The following SEZ6 variants were observed in gnomAD, a reference collection of about 807,000 sequenced individuals.
The protein encoded by SEZ6 is seizure protein 6 homolog.
Under a neutral mutation model 101.0 loss-of-function variants are expected in SEZ6, and 53 were observed. That is an observed-to-expected ratio of 0.52 (90% confidence interval 0.42 to 0.66). The LOEUF is 0.66. Among genes scored for constraint, SEZ6 ranks in the 30% least tolerant of loss-of-function variants. SEZ6 has a pLI of 0.00. For synonymous variants in SEZ6, 488 were observed against 512.2 expected, an observed-to-expected ratio of 0.95 and a Z score of 0.64; for missense variants, 1,102 against 1,289.4, an observed-to-expected ratio of 0.85 and a Z score of 2.23.
At chr17:28,992,399 G>T (rs1288322926) in intron 1 of SEZ6, among the ~76,000 whole-genome samples, 1 of 151,440 alleles carries the variant, frequency 6.6e-6, no homozygotes, top group Non-Finnish European at 1.5e-5. Flanking sequence ...CATGAGACCG[G>T]GTGTGTGTGT....
At chr17:29,002,045 T>A (rs2041621569) in intron 1 of SEZ6, among the ~76,000 whole-genome samples, 1 of 151,902 alleles carries the variant, frequency 6.6e-6, no homozygotes, top group Non-Finnish European at 1.5e-5. Flanking sequence ...CCTTCACTAA[T>A]GTAACTCCTG....
chr17:28,960,389 G>A, intron 7 of SEZ6, 116 bp downstream of exon 7: 2 of 1,375,330 alleles, frequency 1.5e-6, no homozygotes, highest in Non-Finnish European at 2.0e-6. Context: ...AGCAGGGGCT[G>A]ACTTGGAAGG....
intron 1 of SEZ6, among the ~76,000 whole-genome samples, chr17:28,991,040 G>A (rs1015145917): frequency 6.6e-6 from 1 of 151,774 alleles, no homozygotes; most frequent in African/African-American, 2.4e-5. Context: ...CAAGTAGCTG[G>A]GACTACAGGC....
rs1278636480 is a variant in SEZ6 at position 28,958,751 on chromosome 17, T to C, written c.2107+274A>G. 2.0e-5 allele frequency among the ~76,000 whole-genome samples: 3 copies of C among 149,534 alleles called. No homozygotes were observed. In the Admixed American group the frequency reaches 2.0e-4, roughly 10 times the overall value. ...GTTGCAATGAACAGAGATCACACCA[T>C]GGTCTGGGTGACAGAGGGAAACTGT... On this transcript the variant is annotated intron_variant, in intron 10 of 16. Coordinates refer to ENST00000317338, the MANE Select transcript of SEZ6 (RefSeq NM_178860.5).
At chr17:28,976,606 G>A (rs971531908) in intron 3 of SEZ6, among the ~76,000 whole-genome samples, 6 of 152,262 alleles carry the variant, frequency 3.9e-5, no homozygotes, top group South Asian at 2.1e-4. Context: ...AGGCCTTCCA[G>A]CTGCCCACCC....
intron 1 of SEZ6, among the ~76,000 whole-genome samples, chr17:28,996,964 C>T (rs942299425): frequency 1.3e-5 from 2 of 152,160 alleles, no homozygotes; most frequent in African/African-American, 2.4e-5. Flanking sequence ...GACCAAGGGT[C>T]ACCGGAGGCA....
chr17:28,958,131 G>GC lies in SEZ6; in HGVS notation c.2117dup (p.Asn707GlnfsTer2), dbSNP rs772610528. On this transcript the variant is annotated frameshift_variant, in exon 11 of 17. Coordinates refer to ENST00000317338, the MANE Select transcript of SEZ6 (RefSeq NM_178860.5). LOFTEE classifies it high-confidence loss of function. ...CAGGCAGCTCCGGACATGTGTCATTGCGGGGCACCTCTGGGGGCACAGAGG... is the reference window on the plus strand; with the variant it reads ...CAGGCAGCTCCGGACATGTGTCATTGCCGGGGCACCTCTGGGGGCACAGAGG... The GC allele has an allele frequency of 6.3e-7, 1 of 1,593,802 alleles. No homozygotes were observed. The highest frequency in any genetic ancestry group is 1.1e-5 in the South Asian group (1 of 90,462).
intron 1 of SEZ6, among the ~76,000 whole-genome samples, chr17:28,994,710 G>T: frequency 6.6e-6 from 1 of 151,468 alleles, no homozygotes; most frequent in East Asian, 2.0e-4. Context: ...CGTCCGGCCC[G>T]GTTACTGACT....
intron 5 of SEZ6, among the ~76,000 whole-genome samples, chr17:28,961,543 C>T (rs1031632199): frequency 6.6e-6 from 1 of 152,168 alleles, no homozygotes; most frequent in East Asian, 1.9e-4. Flanking sequence ...TAGATCCGGG[C>T]GGCAAACACC....
chr17:28,980,512 G>A (rs2041285133), intron 2 of SEZ6, among the ~76,000 whole-genome samples: 1 of 151,836 alleles, frequency 6.6e-6, no homozygotes, highest in Admixed American at 6.6e-5. Flanking sequence ...TGGGACTACG[G>A]GCACCCCCCA....
At chr17:28,977,923 C>T (rs1231678785) in intron 3 of SEZ6, among the ~76,000 whole-genome samples, 2 of 152,164 alleles carry the variant, frequency 1.3e-5, no homozygotes, top group Admixed American at 1.3e-4. Flanking sequence ...TTCCTAATTA[C>T]CCTCCCAGTC....
At chr17:28,976,106 A>G (rs978819352) in intron 3 of SEZ6, among the ~76,000 whole-genome samples, 3 of 152,204 alleles carry the variant, frequency 2.0e-5, no homozygotes, top group Non-Finnish European at 2.9e-5. Flanking sequence ...GCCTCCTTGG[A>G]TCACAGAGGG....
intron 2 of SEZ6, among the ~76,000 whole-genome samples, chr17:28,980,232 A>T (rs1227156799): frequency 1.6e-5 from 2 of 121,364 alleles, no homozygotes; most frequent in Non-Finnish European, 3.5e-5. Flanking sequence ...TTTGAGACGG[A>T]GTTTTACTCT....
At chr17:28,956,542 G>C (rs2040881630) in intron 14 of SEZ6, 75 bp from the exon 15 acceptor site, 5 of 1,500,308 alleles carry the variant, frequency 3.3e-6, no homozygotes, top group African/African-American at 2.8e-5. Flanking sequence ...CTCTGCCCAA[G>C]GGCATCTGAC....
rs116653917 is a variant in SEZ6, at chr17:28,958,758, G to A, written c.2107+267C>T. On this transcript the variant is annotated intron_variant, in intron 10 of 16. Transcript: ENST00000317338. Reference sequence around the variant, plus strand: ...TGAACAGAGATCACACCATGGTCTGGGTGACAGAGGGAAACTGTCTCAGAA... The same window carrying A: ...TGAACAGAGATCACACCATGGTCTGAGTGACAGAGGGAAACTGTCTCAGAA... Among the ~76,000 whole-genome samples, 705 of 151,684 alleles carry A rather than the reference G, an allele frequency of 4.6e-3. 4 individuals are homozygous for A. Among genetic ancestry groups the A allele is most frequent in the African/African-American group, 0.016 (670 of 41,240 alleles).
chr17:28,977,368 C>T (rs183185192), intron 3 of SEZ6, among the ~76,000 whole-genome samples: 1 of 152,382 alleles, frequency 6.6e-6, no homozygotes, highest in East Asian at 1.9e-4. Flanking sequence ...CAGACTATCT[C>T]AGGCCGTCCG....
At position 28,959,564 on chromosome 17, in the gene SEZ6, A is replaced by G. The variant is rs570923909; in HGVS notation, c.1772-92T>C. The G allele has an allele frequency of 2.9e-5, 45 of 1,557,600 alleles. No individual in the cohort carries two copies. Among genetic ancestry groups the G allele is most frequent in the Middle Eastern group, 3.9e-4 (2 of 5,194 alleles). On this transcript the variant is annotated intron_variant, in intron 8 of 16. Coordinates refer to ENST00000317338, the MANE Select transcript of SEZ6 (RefSeq NM_178860.5). This position sits in a 1 kb window ranked among gnomAD's most constrained non-coding sequence, Gnocchi z 4.4. The stretch of plus-strand genomic sequence containing the variant: ...GCAGGAGTGCCCACAAATTGCTGGG[A>G]CCCCCCACCTCCTCCTTGGAGGAAG...
rs1176305368 is a variant in SEZ6, at chr17:28,963,985, T to C, written c.1217A>G (p.Asp406Gly). 3.7e-6 allele frequency: 6 copies of C among 1,612,088 alleles called. No homozygotes were observed. The highest frequency in any genetic ancestry group is 5.1e-6 in the Non-Finnish European group (6 of 1,179,104). Residue 406 changes from aspartate (D) to glycine (G), a missense_variant, in exon 5 of 17, where the codon GAT (aspartate) becomes GGT (glycine). Physicochemically the swap from Asp to Gly is moderately conservative, Grantham distance 94. Around this residue, in one of 3 missense-constraint regions of SEZ6, gnomAD observed 556 missense variants for 735.1 expected, o/e 0.76. Coordinates refer to ENST00000317338, the MANE Select transcript of SEZ6 (RefSeq NM_178860.5). Reference sequence around the variant, plus strand: ...ACCGATGCAGACGGGCTCCTTTGAATCCCAGAAGGGCTGGGTGGCATTGAG... The same window carrying C: ...ACCGATGCAGACGGGCTCCTTTGAACCCCAGAAGGGCTGGGTGGCATTGAG... Reference protein sequence around the residue: ...TCLNATQPFWDSKEPVCIAAC... With the variant: ...TCLNATQPFWGSKEPVCIAAC...
At chr17:28,973,756 T>C (rs914338971) in intron 3 of SEZ6, among the ~76,000 whole-genome samples, 1 of 152,196 alleles carries the variant, frequency 6.6e-6, no homozygotes, top group African/African-American at 2.4e-5. Flanking sequence ...GAAGTCTTGA[T>C]GCAATTTGCA....
Sources: allele counts gnomAD v4.1 joint callset (sites outside exome capture counted in the v4.1 genomes callset), GRCh38; gene constraint gnomAD v4.1.1; regional missense constraint gnomAD v4.1.1; non-coding constraint Gnocchi (gnomAD v3.1); transcripts MANE v1.5; gene names NCBI Gene and HGNC (gene_info 2026-07-23, HGNC 2026-07-21).